EEA1: variants seen among roughly 807,000 people sequenced by gnomAD.
EEA1 encodes the protein early endosome antigen 1, 162kD.
Under a neutral mutation model 209.2 loss-of-function variants are expected in EEA1, and 111 were observed. That is an observed-to-expected ratio of 0.53 (90% CI 0.45 to 0.62). The LOEUF is 0.62. Among genes scored for constraint, EEA1 ranks in the 20% least tolerant of loss-of-function variants. EEA1 has a pLI of 0.00. For missense variants in EEA1, 1,343 were observed against 1,530.8 expected (o/e 0.88, Z 2.05); for synonymous variants, 536 against 540.6 (o/e 0.99, Z 0.12).
chr12:92,789,019 G>T (rs1217485276), intron 21 of EEA1, among the ~76,000 whole-genome samples: 1 of 152,032 alleles, frequency 6.6e-6, no homozygotes, highest in Non-Finnish European at 1.5e-5. Context: ...GGCCGGGCAT[G>T]GTGGCTCACA....
chr12:92,837,136 A>C (rs1397416524), intron 10 of EEA1, among the ~76,000 whole-genome samples: 2 of 150,658 alleles, frequency 1.3e-5, no homozygotes, highest in Admixed American at 6.6e-5. Flanking sequence ...AAAAAAAAAA[A>C]AAAAAACCAA....
At chr12:92,924,364 C>T (rs549862936) in intron 1 of EEA1, among the ~76,000 whole-genome samples, 30 of 151,982 alleles carry the variant, frequency 2.0e-4, no homozygotes, top group South Asian at 1.5e-3. Context: ...CCCGCCACCA[C>T]GCCCAGCTAA....
At chr12:92,825,070 A>G (rs1382910577) in intron 13 of EEA1, among the ~76,000 whole-genome samples, 1 of 152,206 alleles carries the variant, frequency 6.6e-6, no homozygotes, top group Non-Finnish European at 1.5e-5. Context: ...TTAGATTGCC[A>G]TCTCCTAGAG....
intron 22 of EEA1, among the ~76,000 whole-genome samples, chr12:92,785,925 G>A (rs1469733818): frequency 6.6e-6 from 1 of 152,094 alleles, no homozygotes; most frequent in Non-Finnish European, 1.5e-5. Context: ...TAGCTTTCAA[G>A]CATAATAAAA....
At chr12:92,845,820 C>G (rs1468864686) in intron 9 of EEA1, among the ~76,000 whole-genome samples, 1 of 152,058 alleles carries the variant, frequency 6.6e-6, no homozygotes, top group Admixed American at 6.5e-5. Context: ...AATCCCCACA[C>G]CTAAAGTAGT....
intron 2 of EEA1, chr12:92,884,746 G>A: frequency 7.5e-7 from 1 of 1,329,914 alleles, no homozygotes; most frequent in Non-Finnish European, 1.1e-6. Flanking sequence ...CCAGAGAAGT[G>A]ACAGGGAAGC....
At position 92,771,950 on chromosome 12, in the gene EEA1, G is replaced by A. The variant is rs1234494339; in HGVS notation, c.*4061C>T. ...ACTGGAATTCTATAAAGCTCACAAAGTAACATGTCTAATATACAATATATT... is the reference window on the plus strand; with the variant it reads ...ACTGGAATTCTATAAAGCTCACAAAATAACATGTCTAATATACAATATATT... On this transcript the variant is annotated 3_prime_UTR_variant, in exon 29 of 29. Coordinates refer to ENST00000322349, the MANE Select transcript of EEA1 (RefSeq NM_003566.4). The A allele has an allele frequency of 1.3e-5, 2 of 151,930 alleles. No homozygotes were observed. The highest frequency in any genetic ancestry group is 6.6e-5 in the Admixed American group (1 of 15,222). 9.4% of individuals were successfully genotyped at this position (151,930 alleles called of 1,614,324 possible).
At chr12:92,782,337 T>C (rs1873940725) in intron 22 of EEA1, among the ~76,000 whole-genome samples, 1 of 152,152 alleles carries the variant, frequency 6.6e-6, no homozygotes. Flanking sequence ...ATAAAATATT[T>C]AGTAAAATGG....
chr12:92,857,656 C>T (rs969188179), intron 3 of EEA1, among the ~76,000 whole-genome samples, 171 bp from the exon 4 acceptor site: 7 of 151,750 alleles, frequency 4.6e-5, no homozygotes, highest in Non-Finnish European at 8.8e-5. Context: ...CTCAGAAAAA[C>T]GATTTTATTC....
intron 1 of EEA1, among the ~76,000 whole-genome samples, chr12:92,907,955 TGA>T (rs1396645435): frequency 6.6e-6 from 1 of 151,978 alleles, no homozygotes; most frequent in Non-Finnish European, 1.5e-5. Context: ...GGTGACAGAG[TGA>T]GACTGTCTCC....
chr12:92,917,262 C>A (rs1237756761), intron 1 of EEA1, among the ~76,000 whole-genome samples: 1 of 125,286 alleles, frequency 8.0e-6, no homozygotes, highest in Non-Finnish European at 1.7e-5. Flanking sequence ...AGATACTCCT[C>A]GAGAAGAGCA....
intron 15 of EEA1, among the ~76,000 whole-genome samples, chr12:92,814,527 G>A (rs1339893140): frequency 7.6e-6 from 1 of 131,588 alleles, no homozygotes; most frequent in Non-Finnish European, 1.5e-5. Flanking sequence ...AAATCATGTA[G>A]CATATAAAGA....
At chr12:92,907,703 C>T (rs1880432923) in intron 1 of EEA1, among the ~76,000 whole-genome samples, 2 of 152,214 alleles carry the variant, frequency 1.3e-5, no homozygotes, top group African/African-American at 4.8e-5. Context: ...CCAAACTCTT[C>T]ATTCATCTCA....
At position 92,811,471 on chromosome 12, in the gene EEA1, G is replaced by T. The variant is rs373469590; in HGVS notation, c.2044-37C>A. On this transcript the variant is annotated intron_variant, in intron 16 of 28. Transcript: ENST00000322349. ...TACAATTGAAGAAAACTTTGGTAAG[G>T]TTTACTATATTGTAGTGGCCAAATG... 6.9e-6 allele frequency: 10 copies of T among 1,444,498 alleles called. No homozygotes were observed. In the South Asian group the frequency reaches 1.0e-4, roughly 15 times the overall value. The allele number at this position is 1,444,498 out of a possible 1,614,324, so 89.5% of individuals were successfully genotyped here.
At chr12:92,924,179 T>C (rs1223849678) in intron 1 of EEA1, among the ~76,000 whole-genome samples, 1 of 149,758 alleles carries the variant, frequency 6.7e-6, no homozygotes, top group East Asian at 1.9e-4. Context: ...ACACCAACAT[T>C]AGCAGCAGCT....
intron 9 of EEA1, among the ~76,000 whole-genome samples, chr12:92,847,296 G>A (rs1352347011): frequency 1.3e-5 from 2 of 152,066 alleles, no homozygotes; most frequent in Non-Finnish European, 2.9e-5. Flanking sequence ...CTTTGTATGT[G>A]TTTTGTTTCT....
At chr12:92,899,238 T>C (rs192675365) in intron 1 of EEA1, among the ~76,000 whole-genome samples, 130 of 152,170 alleles carry the variant, frequency 8.5e-4, no homozygotes, top group African/African-American at 3.0e-3. Context: ...AAGGCTTTCA[T>C]CCTCAGAGAA....
intron 1 of EEA1, among the ~76,000 whole-genome samples, chr12:92,892,463 A>C (rs971732605): frequency 1.3e-5 from 2 of 151,968 alleles, no homozygotes; most frequent in African/African-American, 2.4e-5. Flanking sequence ...AAAAAATCAG[A>C]AAGTTCTCAA....
At chr12:92,815,614 T>C (rs1313083979) in intron 15 of EEA1, among the ~76,000 whole-genome samples, 1 of 152,086 alleles carries the variant, frequency 6.6e-6, no homozygotes, top group Non-Finnish European at 1.5e-5. Context: ...ATAGTAAGAA[T>C]GGAGAAAAAA....
Sources: allele counts gnomAD v4.1 joint callset (sites outside exome capture counted in the v4.1 genomes callset), GRCh38; gene constraint gnomAD v4.1.1; transcripts MANE v1.5; gene names NCBI Gene and HGNC (gene_info 2026-07-23, HGNC 2026-07-21).